GREM2: variants seen among roughly 807,000 people sequenced by gnomAD.
The protein encoded by GREM2 is gremlin-2.
GREM2 carries 11 observed loss-of-function variants against 14.2 expected under a neutral mutation model. That is an observed-to-expected ratio of 0.78 (90% CI 0.49 to 1.28). The LOEUF (loss-of-function observed/expected upper bound fraction) is 1.28, where lower values mean the gene tolerates loss of function less well. Among genes scored for constraint, GREM2 ranks in the 50% most tolerant of loss-of-function variants. The probability of loss-of-function intolerance (pLI) is 0.00; values close to 1 mark genes in which losing one functional copy is unlikely to be tolerated. For synonymous variants in GREM2, 98 were observed against 97.6 expected (o/e 1.00, Z -0.02); for missense variants, 210 against 218.5 (o/e 0.96, Z 0.24).
At chr1:240,610,429 A>G (rs188075213) in intron 1 of GREM2, among the ~76,000 whole-genome samples, 3 of 152,206 alleles carry the variant, frequency 2.0e-5, no homozygotes, top group Non-Finnish European at 2.9e-5. Context: ...AAAACTATGA[A>G]GTTTTCCTGA....
At chr1:240,606,783 A>G (rs1680034372) in intron 1 of GREM2, among the ~76,000 whole-genome samples, 1 of 149,790 alleles carries the variant, frequency 6.7e-6, no homozygotes, top group African/African-American at 2.5e-5. Flanking sequence ...GGTTCAAGCC[A>G]TTCTCCTGCC....
At chr1:240,566,518 C>T (rs796952811) in intron 1 of GREM2, among the ~76,000 whole-genome samples, 4 of 152,160 alleles carry the variant, frequency 2.6e-5, no homozygotes, top group African/African-American at 4.8e-5. Flanking sequence ...CTGGGGAGAT[C>T]GAGGTAACTG....
chr1:240,580,762 G>T (rs1219713673), intron 1 of GREM2, among the ~76,000 whole-genome samples: 1 of 152,014 alleles, frequency 6.6e-6, no homozygotes, highest in Non-Finnish European at 1.5e-5. Flanking sequence ...TTGAAGAGAT[G>T]GTGTCTCACT....
At chr1:240,514,106 G>T (rs1677897422) in intron 1 of GREM2, among the ~76,000 whole-genome samples, 2 of 152,062 alleles carry the variant, frequency 1.3e-5, no homozygotes, top group South Asian at 2.1e-4. Flanking sequence ...AATTAGCCAG[G>T]CGTGGTGGCA....
rs994733459 is a variant in GREM2, at chr1:240,531,778, G to A, written c.-1-38302C>T. On this transcript the variant is annotated intron_variant, in intron 1 of 1. Coordinates refer to ENST00000318160, the MANE Select transcript of GREM2 (RefSeq NM_022469.4). ...GACTGGAGAGCAATGGCGTGATCTC[G>A]GCTCACTGCAACCTCCGCCTCCTGT... is the stretch of plus-strand genomic sequence containing the variant. 5.4e-5 allele frequency: 36 copies of A among 668,540 alleles called. No individual in the cohort carries two copies. The Middle Eastern group carries it at 2.3e-3, about 42-fold the overall frequency. The allele number at this position is 668,540 out of a possible 1,614,324, so 41.4% of individuals were successfully genotyped here. A position where few individuals can be genotyped will look rare whatever the true frequency, so the allele number is the denominator to read the frequency against.
chr1:240,507,054 C>T (rs1031562356), intron 1 of GREM2, among the ~76,000 whole-genome samples: 9 of 152,114 alleles, frequency 5.9e-5, no homozygotes, highest in East Asian at 1.9e-4. Flanking sequence ...TAGAGAATAT[C>T]GGAGGAAGAG....
At chr1:240,591,673 A>T (rs1679718792) in intron 1 of GREM2, among the ~76,000 whole-genome samples, 1 of 152,158 alleles carries the variant, frequency 6.6e-6, no homozygotes, top group Admixed American at 6.5e-5. Context: ...TCTTTCACAG[A>T]TGATCACGGA....
intron 1 of GREM2, among the ~76,000 whole-genome samples, chr1:240,584,784 ATCC>A (rs1432996917): frequency 6.6e-6 from 1 of 152,180 alleles, no homozygotes; most frequent in South Asian, 2.1e-4. Context: ...TATTATAAGT[ATCC>A]TAGAGTTTAT....
intron 1 of GREM2, among the ~76,000 whole-genome samples, chr1:240,554,244 C>G (rs1467181558): frequency 2.0e-5 from 3 of 151,928 alleles, no homozygotes; most frequent in African/African-American, 7.3e-5. Flanking sequence ...AGCCCCATCT[C>G]TACTAAAAAT....
chr1:240,535,346 G>A (rs1005862551), intron 1 of GREM2, among the ~76,000 whole-genome samples: 3 of 152,100 alleles, frequency 2.0e-5, no homozygotes, highest in African/African-American at 7.2e-5. Context: ...CTTTGTTCAG[G>A]TTCTCAAAAC....
At chr1:240,494,684 G>A (rs542919939) in intron 1 of GREM2, among the ~76,000 whole-genome samples, 11 of 151,994 alleles carry the variant, frequency 7.2e-5, no homozygotes, top group Non-Finnish European at 1.3e-4. Context: ...GGCGGATCAC[G>A]AGGTCAGGAG....
intron 1 of GREM2, among the ~76,000 whole-genome samples, chr1:240,534,409 G>T (rs762546456): frequency 1.3e-5 from 2 of 152,176 alleles, no homozygotes; most frequent in Non-Finnish European, 2.9e-5. Context: ...AGTGCAAAAG[G>T]CCGGGTGCAG....
At chr1:240,568,296 A>G (rs541933084) in intron 1 of GREM2, among the ~76,000 whole-genome samples, 6 of 152,300 alleles carry the variant, frequency 3.9e-5, no homozygotes, top group South Asian at 2.1e-4. Flanking sequence ...AATATGCACT[A>G]TAAATTCTAA....
intron 1 of GREM2, among the ~76,000 whole-genome samples, chr1:240,579,694 G>A (rs966533654): frequency 6.6e-6 from 1 of 152,208 alleles, no homozygotes; most frequent in African/African-American, 2.4e-5. Context: ...TGCTCAGGGA[G>A]TGCCAACGGT....
chr1:240,547,174 G>C (rs945069470), intron 1 of GREM2, among the ~76,000 whole-genome samples: 1 of 152,044 alleles, frequency 6.6e-6, no homozygotes, highest in Non-Finnish European at 1.5e-5. Flanking sequence ...TACAAAAGAA[G>C]GAGTAGATGG....
chr1:240,525,339 C>A (rs1678197537), intron 1 of GREM2, among the ~76,000 whole-genome samples: 1 of 152,118 alleles, frequency 6.6e-6, no homozygotes, highest in South Asian at 2.1e-4. Flanking sequence ...TCTTAAGGCT[C>A]TCCTGGCTCT....
chr1:240,608,126 A>G (rs1343286450), intron 1 of GREM2, among the ~76,000 whole-genome samples: 4 of 152,250 alleles, frequency 2.6e-5, no homozygotes, highest in Non-Finnish European at 5.9e-5. Flanking sequence ...TACGGTTACA[A>G]GAAATTCTCA....
At chr1:240,537,358 T>C (rs946803838) in intron 1 of GREM2, among the ~76,000 whole-genome samples, 3 of 152,126 alleles carry the variant, frequency 2.0e-5, no homozygotes, top group Admixed American at 6.5e-5. Flanking sequence ...GAGCAAGGAA[T>C]TCCTGCCTGG....
At chr1:240,547,007 G>A (rs1004093274) in intron 1 of GREM2, among the ~76,000 whole-genome samples, 1 of 152,184 alleles carries the variant, frequency 6.6e-6, no homozygotes, top group South Asian at 2.1e-4. Flanking sequence ...ACTGAAGACC[G>A]AGAACATTGT....
Sources: gnomAD v4.1 joint callset for allele counts (sites outside exome capture counted in the v4.1 genomes callset) on GRCh38, gnomAD v4.1.1 for gene constraint, MANE v1.5 for transcripts, NCBI Gene and HGNC (gene_info 2026-07-23, HGNC 2026-07-21) for gene names.